VPS41: variants seen among roughly 807,000 people sequenced by gnomAD.
VPS41 encodes VPS41 subunit of HOPS complex, also known as vacuolar protein sorting-associated protein 41 homolog.
Under a neutral mutation model 130.9 loss-of-function variants are expected in VPS41, and 85 were observed. The observed-to-expected ratio is 0.65, with a 90% confidence interval of 0.55 to 0.78. The LOEUF (loss-of-function observed/expected upper bound fraction) is 0.78, where lower values mean the gene tolerates loss of function less well. VPS41 is among the 30% of genes least tolerant of loss of function. The pLI is 0.00. For synonymous variants in VPS41, 335 were observed against 332.9 expected (o/e 1.01, Z -0.07); for missense variants, 874 against 1,018.7 (o/e 0.86, Z 1.93).
intron 5 of VPS41, among the ~76,000 whole-genome samples, chr7:38,824,611 T>C (rs1785234194): frequency 6.6e-6 from 1 of 152,188 alleles, no homozygotes; most frequent in South Asian, 2.1e-4. Flanking sequence ...AAAAGAAAGA[T>C]ATCTTTTTAC....
At chr7:38,817,709 A>G in intron 7 of VPS41, 108 bp downstream of exon 7, 2 of 949,782 alleles carry the variant, frequency 2.1e-6, no homozygotes, top group South Asian at 2.6e-5. Context: ...TCTTTCTCGA[A>G]TTTCTCCTAA....
intron 16 of VPS41, 144 bp downstream of exon 16, chr7:38,765,436 C>T: frequency 1.9e-6 from 1 of 538,080 alleles, no homozygotes; most frequent in Non-Finnish European, 3.2e-6. Context: ...TATTTTGAAA[C>T]TGTCTCTAAA....
chr7:38,753,961 T>C (rs926493753), intron 21 of VPS41, among the ~76,000 whole-genome samples: 1 of 152,340 alleles, frequency 6.6e-6, no homozygotes, highest in African/African-American at 2.4e-5. Context: ...ACTTATTGTA[T>C]CTGATACCCA....
rs543162509 is a variant in VPS41, at chr7:38,782,876, G to A, written c.785-6100C>T. On this transcript the variant is annotated intron_variant, in intron 10 of 28. Transcript: ENST00000310301. ...TCACGCCTTTAATCACAGCAATTTG[G>A]GAGGCCGAGGTGGACGGATCACTTG... Among the ~76,000 whole-genome samples the A allele has an allele frequency of 1.0e-3, 155 of 152,260 alleles. 1 individual carries two copies. The highest frequency in any genetic ancestry group is 6.8e-3 in the Middle Eastern group (2 of 294).
chr7:38,821,118 G>T, intron 6 of VPS41, 85 bp downstream of exon 6: 1 of 977,956 alleles, frequency 1.0e-6, no homozygotes, highest in Non-Finnish European at 1.6e-6. Flanking sequence ...AATTAATACA[G>T]AAGTGGTAAT....
chr7:38,797,844 T>TA (rs1784651189), intron 7 of VPS41, among the ~76,000 whole-genome samples: 1 of 152,206 alleles, frequency 6.6e-6, no homozygotes, highest in Non-Finnish European at 1.5e-5. Flanking sequence ...AATAGACTAA[T>TA]ACAGGCAGAG....
chr7:38,847,343 C>G (rs1283682177), intron 4 of VPS41, among the ~76,000 whole-genome samples: 1 of 152,066 alleles, frequency 6.6e-6, no homozygotes. Context: ...CCTTAAGATT[C>G]CTAGTCCACA....
intron 2 of VPS41, among the ~76,000 whole-genome samples, chr7:38,880,972 T>C (rs1786591379): frequency 6.6e-6 from 1 of 152,226 alleles, no homozygotes; most frequent in South Asian, 2.1e-4. Flanking sequence ...GCTGGATGTA[T>C]TTGACTTCCA....
At chr7:38,727,069 G>A (rs562861924) in intron 27 of VPS41, 81 bp from the exon 28 acceptor site, 17 of 1,323,120 alleles carry the variant, frequency 1.3e-5, no homozygotes, top group South Asian at 7.8e-5. Flanking sequence ...TGAAAGTCGA[G>A]TTGCAGTTTA....
intron 7 of VPS41, among the ~76,000 whole-genome samples, chr7:38,807,146 C>T (rs1417148108): frequency 3.3e-5 from 5 of 152,202 alleles, no homozygotes; most frequent in Non-Finnish European, 7.3e-5. Flanking sequence ...ATTACTCATG[C>T]TTCATGACAG....
chr7:38,902,671 CCTGCT>C (rs1787170690), intron 1 of VPS41, among the ~76,000 whole-genome samples: 1 of 152,174 alleles, frequency 6.6e-6, no homozygotes, highest in Admixed American at 6.5e-5. Context: ...GTTTGTGCTG[CCTGCT>C]CTGCACTTTC....
rs1442305751 is a variant in VPS41 at position 38,776,680 on chromosome 7, G to GT, written c.880dup (p.Thr294AsnfsTer10). Reference sequence around the variant, plus strand: ...TGTATCTGGGGAGAAAATAATTACCGTTTTTTCTGAAATCTCCTTTACATA... The same window carrying GT: ...TGTATCTGGGGAGAAAATAATTACCGTTTTTTTCTGAAATCTCCTTTACATA... On this transcript the variant is annotated frameshift_variant and splice_region_variant, in exon 11 of 29. Coordinates refer to ENST00000310301, the MANE Select transcript of VPS41 (RefSeq NM_014396.4). LOFTEE classifies it high-confidence loss of function. 6 of 1,582,026 alleles carry GT rather than the reference G, an allele frequency of 3.8e-6. No individual in the cohort carries two copies. The highest frequency in any genetic ancestry group is 2.7e-5 in the African/African-American group (2 of 74,222).
chr7:38,828,536 G>A (rs1275615817), intron 5 of VPS41, among the ~76,000 whole-genome samples: 1 of 152,102 alleles, frequency 6.6e-6, no homozygotes, highest in African/African-American at 2.4e-5. Flanking sequence ...ATGTGTTTGT[G>A]TAATGTCTTT....
At chr7:38,737,006 T>C (rs1187873388) in intron 25 of VPS41, among the ~76,000 whole-genome samples, 6 of 152,104 alleles carry the variant, frequency 3.9e-5, no homozygotes, top group African/African-American at 9.7e-5. Context: ...CTTTTGAAAG[T>C]TGGTGGAAAA....
intron 10 of VPS41, 74 bp downstream of exon 10, chr7:38,789,727 C>G: frequency 6.8e-7 from 1 of 1,470,520 alleles, no homozygotes; most frequent in Non-Finnish European, 9.5e-7. Flanking sequence ...CTATGGCAGT[C>G]TGGGTGAGAT....
chr7:38,752,738 GAA>G (rs1783704264), intron 21 of VPS41, among the ~76,000 whole-genome samples: 2 of 152,154 alleles, frequency 1.3e-5, no homozygotes, highest in African/African-American at 4.8e-5. Context: ...CTTTGGCTCA[GAA>G]ATAAAAAGAT....
chr7:38,805,304 G>C (rs1784817453), intron 7 of VPS41, among the ~76,000 whole-genome samples: 1 of 152,194 alleles, frequency 6.6e-6, no homozygotes, highest in African/African-American at 2.4e-5. Context: ...GGAGGCTGAG[G>C]TGGGCGGATC....
chr7:38,878,086 C>T lies in VPS41; in HGVS notation c.61-8833G>A, dbSNP rs1010430682. Among the ~76,000 whole-genome samples, 7 of 152,182 alleles carry T rather than the reference C, an allele frequency of 4.6e-5. No individual in the cohort carries two copies. In the East Asian group the frequency reaches 5.8e-4, roughly 13 times the overall value. The stretch of plus-strand genomic sequence containing the variant: ...CTAAACCTCTATCACCTGGGCAGTG[C>T]CCTCCATGGTCTGGGAGTCCAGCCT... On this transcript the variant is annotated intron_variant, in intron 2 of 28. Coordinates refer to ENST00000310301, the MANE Select transcript of VPS41 (RefSeq NM_014396.4).
intron 2 of VPS41, among the ~76,000 whole-genome samples, chr7:38,888,475 A>T (rs1338969244): frequency 6.6e-6 from 1 of 152,236 alleles, no homozygotes; most frequent in African/African-American, 2.4e-5. Context: ...AGAAGAGCTA[A>T]CTATCCTAAA....
Sources: gnomAD v4.1 joint callset for allele counts (sites outside exome capture counted in the v4.1 genomes callset) on GRCh38, gnomAD v4.1.1 for gene constraint, MANE v1.5 for transcripts, NCBI Gene and HGNC (gene_info 2026-07-23, HGNC 2026-07-21) for gene names.